ZNF493: variants seen among roughly 807,000 people sequenced by gnomAD.
ZNF493 encodes the protein zinc finger protein 493.
A neutral mutation model predicts 12.2 loss-of-function variants in ZNF493; 11 were observed. That is an observed-to-expected ratio of 0.90 (90% CI 0.57 to 1.50). The LOEUF is 1.50. ZNF493 is among the 40% of genes most tolerant of loss of function. The pLI, the probability that ZNF493 is intolerant of heterozygous loss-of-function variation, is 0.00. For missense variants in ZNF493, 950 were observed against 906.6 expected (o/e 1.05, Z -0.61); for synonymous variants, 286 against 302.6 (o/e 0.95, Z 0.57).
At chr19:21,421,816 A>C (rs987599093) in intron 3 of ZNF493, among the ~76,000 whole-genome samples, 3 of 152,020 alleles carry the variant, frequency 2.0e-5, no homozygotes, top group African/African-American at 7.3e-5. Flanking sequence ...CTTGTCTGAA[A>C]TTTTGTGTTT....
Position 21,397,138 on chromosome 19 carries a change from TTCTC to T in ZNF493, c.-96_-93del, listed in dbSNP as rs1568375291. 1.5e-5 allele frequency: 21 copies of T among 1,408,122 alleles called. No individual in the cohort carries two copies. The highest frequency in any genetic ancestry group is 2.1e-5 in the Non-Finnish European group (21 of 994,606). The allele number at this position is 1,408,122 out of a possible 1,614,324, so 87.2% of individuals were successfully genotyped here. On this transcript the variant is annotated 5_prime_UTR_variant, in exon 1 of 4. Coordinates refer to ENST00000392288, the MANE Select transcript of ZNF493 (RefSeq NM_001076678.3). ...TTCCGGGATGTGGCTGGGCCATTGT[TTCTC>T]TCTGCTGCCGGAGCTCCAGGTCTAC...
Position 21,424,533 on chromosome 19 carries a change from G to C in ZNF493, c.1874G>C (p.Gly625Ala), listed in dbSNP as rs777981568. 6.2e-7 allele frequency: 1 copy of C among 1,612,200 alleles called. No individual in the cohort carries two copies. Among genetic ancestry groups the C allele is most frequent in the Non-Finnish European group, 8.5e-7 (1 of 1,179,350 alleles). Residue 625 changes from glycine to alanine, a missense_variant, in exon 4 of 4, where the codon GGA (glycine) becomes GCA (alanine). By Grantham distance (60) the Gly-to-Ala change is moderately conservative (BLOSUM62 0). Transcript: ENST00000392288. ...AGTATACATAAGAAAATTCATACTG[G>C]AGAAAAACCCTACAAATGTGAAGAA... ...ILSIHKKIHT[G>A]EKPYKCEECG...
rs2030822548 is a variant in ZNF493, at chr19:21,425,172, G to T, written c.*188G>T. 2 of 746,380 alleles carry T rather than the reference G, an allele frequency of 2.7e-6. No homozygotes were observed. Among genetic ancestry groups the T allele is most frequent in the Admixed American group, 2.5e-5 (1 of 39,826 alleles). The allele number at this position is 746,380 out of a possible 1,614,324, so 46.2% of individuals were successfully genotyped here. On this transcript the variant is annotated 3_prime_UTR_variant, in exon 4 of 4. Transcript: ENST00000392288. Reference sequence around the variant, plus strand: ...TACTAAATATAAGATAATTCATATTGGAGAGAAATTCTACAGATGTGAAGA... The same window carrying T: ...TACTAAATATAAGATAATTCATATTTGAGAGAAATTCTACAGATGTGAAGA...
Position 21,425,223 on chromosome 19 carries a change from T to G in ZNF493, c.*239T>G. 1 of 570,080 alleles carries G rather than the reference T, an allele frequency of 1.8e-6. No homozygotes were observed. The highest frequency in any genetic ancestry group is 3.2e-6 in the Non-Finnish European group (1 of 312,018). 35.3% of individuals were successfully genotyped at this position (570,080 alleles called of 1,614,324 possible). On this transcript the variant is annotated 3_prime_UTR_variant, in exon 4 of 4. Coordinates refer to ENST00000392288, the MANE Select transcript of ZNF493 (RefSeq NM_001076678.3). ...ATGTGGCAAAGGCTTTAATTAGTTC[T>G]CATCCCTTACTAAACATAAGAGAAT...
chr19:21,411,210 C>T (rs974572020), intron 3 of ZNF493, among the ~76,000 whole-genome samples: 8 of 152,044 alleles, frequency 5.3e-5, no homozygotes, highest in African/African-American at 1.4e-4. Context: ...TTTTCTGTAT[C>T]GTGTGCTCAT....
chr19:21,413,229 T>C, intron 3 of ZNF493: 1 of 374,752 alleles, frequency 2.7e-6, no homozygotes, highest in Non-Finnish European at 4.8e-6. Context: ...GCGGTATGCC[T>C]CAATTATAGG....
At chr19:21,405,287 A>G (rs935892664) in intron 2 of ZNF493, 32 bp downstream of exon 2, 4 of 1,598,882 alleles carry the variant, frequency 2.5e-6, no homozygotes, top group African/African-American at 1.4e-5. Context: ...AATCCCTTAT[A>G]TACCCTAAAG....
chr19:21,423,639 G>T lies in ZNF493; in HGVS notation c.980G>T (p.Gly327Val), dbSNP rs761628406. Residue 327 changes from glycine to valine, a missense_variant, in exon 4 of 4, where the codon GGC becomes GTC. Physicochemically the swap from Gly to Val is moderately radical, Grantham distance 109. Transcript: ENST00000392288. ...AAACCCTATAAATGTGAAGAATGTG[G>T]CAAAGCCTTTAGTATTTTCTCAACC... ...GEKPYKCEECGKAFSIFSTPT... is the reference protein window; with the variant it reads ...GEKPYKCEECVKAFSIFSTPT... 1 of 1,610,792 alleles carries T rather than the reference G, an allele frequency of 6.2e-7. No homozygotes were observed. The highest frequency in any genetic ancestry group is 1.1e-5 in the South Asian group (1 of 90,974).
At position 21,427,508 on chromosome 19, in the gene ZNF493, G is replaced by A. The variant is rs987895734; in HGVS notation, c.*2524G>A. 6.6e-6 allele frequency: 1 copy of A among 151,864 alleles called. No individual in the cohort carries two copies. The highest frequency in any genetic ancestry group is 1.5e-5 in the Non-Finnish European group (1 of 68,014). The allele number at this position is 151,864 out of a possible 1,614,324, so 9.4% of individuals were successfully genotyped here. ...AAAAAATTTTAAATTCTGTGTGAAG[G>A]TAACTGTTTCAACATTTTTAACATG... On this transcript the variant is annotated 3_prime_UTR_variant, in exon 4 of 4. Transcript: ENST00000392288.
intron 3 of ZNF493, among the ~76,000 whole-genome samples, chr19:21,417,410 C>T (rs1019592187): frequency 1.4e-4 from 21 of 152,214 alleles, no homozygotes; most frequent in African/African-American, 5.1e-4. Context: ...TGTGCTTTCC[C>T]TCTGATAGGT....
chr19:21,398,554 G>A (rs1974209426), intron 1 of ZNF493: 12 of 362,536 alleles, frequency 3.3e-5, no homozygotes, highest in South Asian at 2.5e-4. Context: ...AACTGCCATG[G>A]TTATGTTAGC....
chr19:21,421,692 C>T (rs1016668709), intron 3 of ZNF493, among the ~76,000 whole-genome samples: 5 of 152,034 alleles, frequency 3.3e-5, no homozygotes, highest in African/African-American at 1.2e-4. Flanking sequence ...AAAATTTGAA[C>T]ATTAAAAAGT....
chr19:21,405,413 C>A, intron 2 of ZNF493, 158 bp downstream of exon 2: 3 of 1,446,158 alleles, frequency 2.1e-6, no homozygotes, highest in Non-Finnish European at 9.1e-7. Context: ...AAAAAAATTT[C>A]TTCAGGATGT....
At chr19:21,415,715 G>A (rs2030468425) in intron 3 of ZNF493, among the ~76,000 whole-genome samples, 1 of 152,124 alleles carries the variant, frequency 6.6e-6, no homozygotes, top group Admixed American at 6.5e-5. Context: ...TGTTTAACAT[G>A]CCTTGTGGCA....
rs572636484 is a variant in ZNF493 at position 21,420,425 on chromosome 19, A to G, written c.254-2488A>G. Among the ~76,000 whole-genome samples the G allele has an allele frequency of 6.6e-5, 10 of 150,532 alleles. No individual in the cohort carries two copies. In the South Asian group the frequency reaches 1.7e-3, roughly 25 times the overall value. ...AAATAATGTATTTTAATATGATTAT[A>G]TGTTGTTTTGTTGAGTCTTGTTATT... On this transcript the variant is annotated intron_variant, in intron 3 of 3. Transcript: ENST00000392288.
chr19:21,425,254 C>T lies in ZNF493; in HGVS notation c.*270C>T, dbSNP rs2145316503. The stretch of plus-strand genomic sequence containing the variant: ...CTTACTAAACATAAGAGAATTCATA[C>T]CATAGAGAAATCCTACAAATATGAA... On this transcript the variant is annotated 3_prime_UTR_variant, in exon 4 of 4. Transcript: ENST00000392288. The T allele has an allele frequency of 2.0e-6, 1 of 504,772 alleles. No individual in the cohort carries two copies. Among genetic ancestry groups the T allele is most frequent in the African/African-American group, 1.9e-5 (1 of 51,318 alleles). The allele number at this position is 504,772 out of a possible 1,614,324, so 31.3% of individuals were successfully genotyped here. A position where few individuals can be genotyped will look rare whatever the true frequency, so the allele number is the denominator to read the frequency against.
At chr19:21,416,841 G>A (rs765014594) in intron 3 of ZNF493, among the ~76,000 whole-genome samples, 19 of 152,066 alleles carry the variant, frequency 1.2e-4, no homozygotes, top group Admixed American at 3.3e-4. Flanking sequence ...GTATATATTT[G>A]TACCCCTTTT....
At chr19:21,406,804 T>C (rs1259657418) in intron 3 of ZNF493, among the ~76,000 whole-genome samples, 1 of 152,090 alleles carries the variant, frequency 6.6e-6, no homozygotes, top group African/African-American at 2.4e-5. Context: ...TTTAAAATCG[T>C]AGTTTTCATT....
chr19:21,408,063 G>A, intron 3 of ZNF493: 2 of 983,872 alleles, frequency 2.0e-6, no homozygotes, highest in Non-Finnish European at 2.4e-6. Flanking sequence ...CTACATTAGG[G>A]TCCATATTTA....
Sources: gnomAD v4.1 joint callset for allele counts (sites outside exome capture counted in the v4.1 genomes callset) on GRCh38, gnomAD v4.1.1 for gene constraint, MANE v1.5 for transcripts, NCBI Gene and HGNC (gene_info 2026-07-23, HGNC 2026-07-21) for gene names.